KAT6B: variants seen among roughly 807,000 people sequenced by gnomAD.
KAT6B encodes the protein lysine acetyltransferase 6B, also known as histone acetyltransferase KAT6B.
In KAT6B, 10 loss-of-function variants were observed where a neutral mutation model predicts 187.5. The observed-to-expected ratio is 0.05, with a 90% CI of 0.03 to 0.09. The LOEUF (loss-of-function observed/expected upper bound fraction) is 0.09, where lower values mean the gene tolerates loss of function less well. KAT6B is among the 10% of genes least tolerant of loss of function. KAT6B has a pLI of 1.00. For synonymous variants in KAT6B, 861 were observed against 926.8 expected, an observed-to-expected ratio of 0.93 and a Z score of 1.29; for missense variants, 1,952 against 2,558.9, an observed-to-expected ratio of 0.76 and a Z score of 5.12.
intron 3 of KAT6B, among the ~76,000 whole-genome samples, chr10:74,856,354 T>A (rs1243612576): frequency 6.6e-6 from 1 of 152,172 alleles, no homozygotes; most frequent in African/African-American, 2.4e-5. Context: ...CCCAAAGTGC[T>A]GGGATTAAAG....
chr10:74,860,556 G>C (rs979537429), intron 3 of KAT6B, among the ~76,000 whole-genome samples: 2 of 152,214 alleles, frequency 1.3e-5, no homozygotes, highest in Non-Finnish European at 2.9e-5. Context: ...CTGGTGCACA[G>C]GCAGAGTGTA....
Position 74,843,518 on chromosome 10 carries a change from C to A in KAT6B, c.621+40C>A, listed in dbSNP as rs148075179. 8,193 of 1,609,858 alleles carry A rather than the reference C, an allele frequency of 5.1e-3. 24 individuals carry two copies. The highest frequency in any genetic ancestry group is 7.6e-3 in the Admixed American group (456 of 60,014). On this transcript the variant is annotated intron_variant, in intron 3 of 17. Coordinates refer to ENST00000287239, the MANE Select transcript of KAT6B (RefSeq NM_012330.4). ...AATGTTCGTGCATTCTCACTACTGT[C>A]CTTTTGTCTTTTACGGTTTCACTTA... is the stretch of plus-strand genomic sequence containing the variant.
intron 13 of KAT6B, among the ~76,000 whole-genome samples, chr10:74,990,355 A>G (rs2133875345): frequency 6.6e-6 from 1 of 152,236 alleles, no homozygotes; most frequent in African/African-American, 2.4e-5. Context: ...AAAAACCACA[A>G]TGTAAATGCG....
Position 74,968,919 on chromosome 10 carries a change from T to G in KAT6B, c.731-741T>G, listed in dbSNP as rs561309504. 2.0e-5 allele frequency among the ~76,000 whole-genome samples: 3 copies of G among 152,222 alleles called. No individual in the cohort carries two copies. The South Asian group carries it at 6.2e-4, about 32-fold the overall frequency. ...CCTCTGTGAAGTGAGCAGTAAGACC[T>G]GGTGTGTGGAGCGCTGCTAGGTGAA... On this transcript the variant is annotated intron_variant, in intron 4 of 17. Transcript: ENST00000287239.
At chr10:74,952,065 A>G (rs1426024337) in intron 3 of KAT6B, among the ~76,000 whole-genome samples, 2 of 152,230 alleles carry the variant, frequency 1.3e-5, no homozygotes, top group Non-Finnish European at 2.9e-5. Context: ...AATAAAGCCA[A>G]GGTATGGAGC....
chr10:74,901,900 T>C (rs1846424703), intron 3 of KAT6B, among the ~76,000 whole-genome samples: 1 of 152,198 alleles, frequency 6.6e-6, no homozygotes. Context: ...TCATTTTGGT[T>C]GAAAGGAATG....
Position 74,960,282 on chromosome 10 carries a change from T to C in KAT6B, c.730+204T>C, listed in dbSNP as rs1868626. On this transcript the variant is annotated intron_variant, in intron 4 of 17. Transcript: ENST00000287239. The stretch of plus-strand genomic sequence containing the variant: ...GACATATGGATATTATATATGCTTA[T>C]ATAATACTATACATATTTATGATTA... Among the ~76,000 whole-genome samples the C allele has an allele frequency of 0.079, 11,973 of 152,248 alleles. 619 individuals are homozygous for C. The highest frequency in any genetic ancestry group is 0.27 in the South Asian group (1,284 of 4,834).
Position 74,994,367 on chromosome 10 carries a change from T to C in KAT6B, c.2629+5255T>C, listed in dbSNP as rs537399641. On this transcript the variant is annotated intron_variant, in intron 13 of 17. Coordinates refer to ENST00000287239, the MANE Select transcript of KAT6B (RefSeq NM_012330.4). ...TTCCACATGCTTCCATCCTGTGGATTCTTCCTTCCTTTCTGCCACAGCATG... is the reference window on the plus strand; with the variant it reads ...TTCCACATGCTTCCATCCTGTGGATCCTTCCTTCCTTTCTGCCACAGCATG... 3.9e-5 allele frequency among the ~76,000 whole-genome samples: 6 copies of C among 152,332 alleles called. No homozygotes were observed. The East Asian group carries it at 9.6e-4, about 24-fold the overall frequency.
At chr10:74,931,596 A>G (rs1004588011) in intron 3 of KAT6B, among the ~76,000 whole-genome samples, 1 of 152,230 alleles carries the variant, frequency 6.6e-6, no homozygotes, top group African/African-American at 2.4e-5. Flanking sequence ...TTAGAAAATA[A>G]TGAAATTCTT....
chr10:74,855,199 A>G (rs1244752650), intron 3 of KAT6B, among the ~76,000 whole-genome samples: 1 of 152,180 alleles, frequency 6.6e-6, no homozygotes, highest in Non-Finnish European at 1.5e-5. Flanking sequence ...GAGCTGCCAT[A>G]TGGAGAGCAG....
intron 3 of KAT6B, among the ~76,000 whole-genome samples, chr10:74,932,175 G>A (rs1848928671): frequency 6.6e-6 from 1 of 152,218 alleles, no homozygotes; most frequent in African/African-American, 2.4e-5. Context: ...CTCAAAAAAT[G>A]TTGATTGGCC....
chr10:74,856,162 T>C (rs1264970310), intron 3 of KAT6B, among the ~76,000 whole-genome samples: 3 of 152,150 alleles, frequency 2.0e-5, no homozygotes, highest in Non-Finnish European at 1.5e-5. Flanking sequence ...CTTAGCTCAC[T>C]GCAACCTCCA....
intron 3 of KAT6B, among the ~76,000 whole-genome samples, chr10:74,896,553 G>A (rs1347543817): frequency 6.6e-6 from 1 of 152,184 alleles, no homozygotes; most frequent in Admixed American, 6.5e-5. Flanking sequence ...GCCTCCCAAA[G>A]TGCTGGGATT....
intron 3 of KAT6B, among the ~76,000 whole-genome samples, chr10:74,945,575 G>T (rs1407324053): frequency 6.6e-6 from 1 of 152,064 alleles, no homozygotes; most frequent in Admixed American, 6.6e-5. Flanking sequence ...AGATTCTTCT[G>T]CCTCACCTGA....
intron 3 of KAT6B, among the ~76,000 whole-genome samples, chr10:74,851,480 G>A (rs1842480257): frequency 6.6e-6 from 1 of 151,878 alleles, no homozygotes; most frequent in Non-Finnish European, 1.5e-5. Context: ...CTACAGACGT[G>A]CACCACCACG....
intron 3 of KAT6B, among the ~76,000 whole-genome samples, chr10:74,915,380 TGC>T (rs1357992459): frequency 1.3e-5 from 2 of 152,172 alleles, no homozygotes; most frequent in Non-Finnish European, 2.9e-5. Context: ...TCACAGAAGG[TGC>T]CTCATCTGTC....
At chr10:74,981,443 G>A (rs1252869290) in intron 10 of KAT6B, among the ~76,000 whole-genome samples, 2 of 151,852 alleles carry the variant, frequency 1.3e-5, no homozygotes, top group African/African-American at 2.4e-5. Flanking sequence ...GTGCAATCTC[G>A]ATTCACTGCA....
rs1202906043 is a variant in KAT6B at position 74,970,187 on chromosome 10, G to A, written c.928+86G>A. The stretch of plus-strand genomic sequence containing the variant: ...GGTCTGACAGCTCAGAGGTATACAG[G>A]TTCTTTAAGCATTTTTTTCATCCCT... On this transcript the variant is annotated intron_variant, in intron 6 of 17. Coordinates refer to ENST00000287239, the MANE Select transcript of KAT6B (RefSeq NM_012330.4). 7.0e-6 allele frequency: 7 copies of A among 993,112 alleles called. No individual in the cohort carries two copies. In the African/African-American group the frequency reaches 8.1e-5, roughly 11 times the overall value. 61.5% of individuals were successfully genotyped at this position (993,112 alleles called of 1,614,324 possible).
intron 3 of KAT6B, among the ~76,000 whole-genome samples, chr10:74,908,109 A>T (rs1006603375): frequency 1.3e-5 from 2 of 152,128 alleles, no homozygotes; most frequent in African/African-American, 4.8e-5. Flanking sequence ...TGGTGGCTTT[A>T]TAAGAAGAGT....
Sources: gnomAD v4.1 joint callset for allele counts (sites outside exome capture counted in the v4.1 genomes callset) on GRCh38, gnomAD v4.1.1 for gene constraint, MANE v1.5 for transcripts, NCBI Gene and HGNC (gene_info 2026-07-23, HGNC 2026-07-21) for gene names.